SULF2: variants seen among roughly 807,000 people sequenced by gnomAD.
SULF2 encodes extracellular sulfatase Sulf-2.
Under a neutral mutation model 107.7 loss-of-function variants are expected in SULF2, and 52 were observed. The observed-to-expected ratio is 0.48, with a 90% CI of 0.39 to 0.61. The LOEUF (loss-of-function observed/expected upper bound fraction) is 0.61, where lower values mean the gene tolerates loss of function less well. SULF2 is among the 20% of genes least tolerant of loss of function. SULF2 has a pLI of 0.00. For synonymous variants in SULF2, 460 were observed against 464.3 expected (o/e 0.99, Z 0.12); for missense variants, 993 against 1,177.3 (o/e 0.84, Z 2.29).
At chr20:47,727,679 G>A (rs892855496) in intron 3 of SULF2, among the ~76,000 whole-genome samples, 26 of 152,200 alleles carry the variant, frequency 1.7e-4, no homozygotes, top group Admixed American at 7.2e-4. Context: ...TGGGTTTGTG[G>A]GCACAGGTCA....
intron 17 of SULF2, among the ~76,000 whole-genome samples, chr20:47,662,677 G>A (rs1442540811): frequency 6.6e-6 from 1 of 152,230 alleles, no homozygotes; most frequent in Non-Finnish European, 1.5e-5. Context: ...TTAGCAGAGT[G>A]CTTGGTGCAG....
At chr20:47,720,216 G>A (rs751203536) in intron 3 of SULF2, among the ~76,000 whole-genome samples, 1 of 152,246 alleles carries the variant, frequency 6.6e-6, no homozygotes, top group Non-Finnish European at 1.5e-5. Flanking sequence ...GCCTCTGAAA[G>A]TGCTGGAATT....
At chr20:47,661,979 C>T in intron 17 of SULF2, 83 bp from the exon 18 acceptor site, 9 of 1,342,020 alleles carry the variant, frequency 6.7e-6, no homozygotes, top group Non-Finnish European at 7.8e-6. Context: ...GGACATATTT[C>T]AGGCAGGTGG....
At chr20:47,658,875 C>T (rs190369210) in intron 20 of SULF2, among the ~76,000 whole-genome samples, 193 of 152,292 alleles carry the variant, frequency 1.3e-3, no homozygotes, top group Admixed American at 1.7e-3. Flanking sequence ...ATTTGGTAGA[C>T]GAATGAGAAA....
chr20:47,785,359 G>A lies in SULF2; in HGVS notation c.-117C>T, dbSNP rs1205288146. ...CCCACTCACCAGCGCGCACGGCCCC[G>A]GCAACCTCACCCGGAGCGGGGCGCC... On this transcript the variant is annotated 5_prime_UTR_variant, in exon 1 of 21. Transcript: ENST00000688720. 1 of 108,276 alleles carries A rather than the reference G, an allele frequency of 9.2e-6. No homozygotes were observed. The highest frequency in any genetic ancestry group is 3.4e-5 in the African/African-American group (1 of 28,992). 6.7% of individuals were successfully genotyped at this position (108,276 alleles called of 1,614,324 possible). A position where few individuals can be genotyped will look rare whatever the true frequency, so the allele number is the denominator to read the frequency against.
intron 1 of SULF2, among the ~76,000 whole-genome samples, chr20:47,773,663 T>C (rs929840991): frequency 3.9e-5 from 6 of 152,258 alleles, no homozygotes; most frequent in African/African-American, 1.4e-4. Context: ...AAAGCTTCCC[T>C]GGCAGGGAGT....
intron 4 of SULF2, among the ~76,000 whole-genome samples, chr20:47,702,044 G>A (rs2088587283): frequency 1.3e-5 from 2 of 152,144 alleles, no homozygotes; most frequent in Admixed American, 6.5e-5. Context: ...ACTATTTTTT[G>A]AGAAATGAAT....
intron 3 of SULF2, among the ~76,000 whole-genome samples, chr20:47,735,294 A>G (rs1334682107): frequency 1.3e-5 from 2 of 152,010 alleles, no homozygotes; most frequent in Admixed American, 6.6e-5. Flanking sequence ...TGAGCCACAC[A>G]CTCACTCCTC....
chr20:47,682,162 T>C (rs1398398150), intron 7 of SULF2, among the ~76,000 whole-genome samples: 1 of 152,228 alleles, frequency 6.6e-6, no homozygotes, highest in Admixed American at 6.5e-5. Context: ...TCATGCAGCC[T>C]GCCTCCTGGA....
chr20:47,658,753 C>A (rs1374246096), intron 20 of SULF2, among the ~76,000 whole-genome samples: 1 of 152,176 alleles, frequency 6.6e-6, no homozygotes. Flanking sequence ...AATGAGTAGA[C>A]CAGAGGTTGC....
intron 11 of SULF2, among the ~76,000 whole-genome samples, chr20:47,671,330 C>T (rs946724649): frequency 2.2e-4 from 34 of 151,888 alleles, no homozygotes; most frequent in African/African-American, 7.3e-4. Context: ...TTTTTGAGAC[C>T]GAGTCTCACT....
chr20:47,720,055 T>G (rs1282392876), intron 3 of SULF2, among the ~76,000 whole-genome samples: 1 of 152,070 alleles, frequency 6.6e-6, no homozygotes, highest in African/African-American at 2.4e-5. Flanking sequence ...TTCACGCCAT[T>G]CTCCCACCTC....
Position 47,700,637 on chromosome 20 carries a change from C to CTTTT in SULF2, c.567+1878_567+1881dup, listed in dbSNP as rs59966689. Among the ~76,000 whole-genome samples the CTTTT allele has an allele frequency of 3.7e-3, 463 of 126,188 alleles. 5 individuals carry two copies. The highest frequency in any genetic ancestry group is 7.6e-3 in the Admixed American group (88 of 11,638). 82.8% of individuals were successfully genotyped at this position (126,188 alleles called of 152,430 possible). On this transcript the variant is annotated intron_variant, in intron 4 of 20. Transcript: ENST00000688720. The stretch of plus-strand genomic sequence containing the variant: ...GCTGGAGTGTAAACTGGTGCAACAT[C>CTTTT]TTTTTTTTTTTTTTTTTTTCTTTTT...
chr20:47,698,009 A>C (rs987677246), intron 4 of SULF2, among the ~76,000 whole-genome samples: 1 of 152,194 alleles, frequency 6.6e-6, no homozygotes, highest in Non-Finnish European at 1.5e-5. Context: ...AGAACTTTGG[A>C]ATTAATTCAC....
chr20:47,697,608 C>T (rs2088424891), intron 4 of SULF2, among the ~76,000 whole-genome samples: 1 of 152,190 alleles, frequency 6.6e-6, no homozygotes, highest in Non-Finnish European at 1.5e-5. Flanking sequence ...TCTGACTTCA[C>T]CGCCCCGCCC....
intron 17 of SULF2, 95 bp downstream of exon 17, chr20:47,662,975 A>G: frequency 1.4e-6 from 2 of 1,432,658 alleles, no homozygotes; most frequent in Non-Finnish European, 1.9e-6. Flanking sequence ...TGGGACTTGG[A>G]CAATTTGTCA....
rs141340163 is a variant in SULF2 at position 47,738,638 on chromosome 20, C to T, written c.176-1696G>A. On this transcript the variant is annotated intron_variant, in intron 2 of 20. Transcript: ENST00000688720. ...TTCTCTTGGTAGTGAATAAGTCTCA[C>T]GAGATTTGATGGTTTTATAAAGGTT... Among the ~76,000 whole-genome samples the T allele has an allele frequency of 1.8e-4, 28 of 152,246 alleles. No homozygotes were observed. The East Asian group carries it at 3.5e-3, about 19-fold the overall frequency.
intron 6 of SULF2, among the ~76,000 whole-genome samples, chr20:47,683,620 G>A (rs1337101313): frequency 6.6e-6 from 1 of 152,248 alleles, no homozygotes; most frequent in African/African-American, 2.4e-5. Context: ...TGCATTGGTG[G>A]CCGTGTTAAT....
intron 3 of SULF2, among the ~76,000 whole-genome samples, chr20:47,715,093 ATTT>A (rs869126418): frequency 2.0e-4 from 26 of 129,000 alleles, no homozygotes; most frequent in African/African-American, 5.5e-4. Context: ...TAACTTTTGT[ATTT>A]TTTTTTTTTT....
Sources: gnomAD v4.1 joint callset for allele counts (sites outside exome capture counted in the v4.1 genomes callset) on GRCh38, gnomAD v4.1.1 for gene constraint, MANE v1.5 for transcripts, NCBI Gene and HGNC (gene_info 2026-07-23, HGNC 2026-07-21) for gene names.